Variants in ZNF213 observed in about 807,000 individuals in gnomAD.
ZNF213 encodes the protein putative transcription factor CR53.
In ZNF213, 32 loss-of-function variants were observed where a neutral mutation model predicts 46.0. The observed-to-expected ratio is 0.70, with a 90% CI of 0.52 to 0.93. ZNF213 has a LOEUF of 0.93. ZNF213 is among the 40% of genes least tolerant of loss of function. The pLI, the probability that ZNF213 is intolerant of heterozygous loss-of-function variation, is 0.00. For synonymous variants in ZNF213, 297 were observed against 271.0 expected (o/e 1.10, Z -0.94); for missense variants, 639 against 652.8 (o/e 0.98, Z 0.23).
intron 1 of ZNF213, among the ~76,000 whole-genome samples, chr16:3,136,754 A>C (rs540525948): frequency 3.9e-4 from 59 of 152,252 alleles, no homozygotes; most frequent in African/African-American, 1.3e-3. Flanking sequence ...ATTGATGTAT[A>C]ATGTGCAATA....
intron 5 of ZNF213, chr16:3,139,627 C>T (rs376998326): frequency 1.9e-5 from 2 of 105,548 alleles, no homozygotes; most frequent in African/African-American, 7.3e-5. Flanking sequence ...TGGGCTGCGA[C>T]CTCTGTCCAG....
At chr16:3,138,920 T>C in intron 4 of ZNF213, 55 bp from the exon 5 acceptor site, 1 of 1,613,798 alleles carries the variant, frequency 6.2e-7, no homozygotes, top group Non-Finnish European at 8.5e-7. Context: ...TGACCCATCC[T>C]GTCCCCGCCA....
chr16:3,140,434 G>A (rs1957590404), intron 5 of ZNF213: 4 of 388,150 alleles, frequency 1.0e-5, no homozygotes, highest in Non-Finnish European at 1.7e-5. Flanking sequence ...TGTTGGCCAG[G>A]CTGGTCTCGA....
chr16:3,140,814 G>A lies in ZNF213; in HGVS notation c.847G>A (p.Glu283Lys). 6.3e-7 allele frequency: 1 copy of A among 1,594,788 alleles called. No homozygotes were observed. Among genetic ancestry groups the A allele is most frequent in the Non-Finnish European group, 8.5e-7 (1 of 1,173,254 alleles). The change falls in exon 6 of 6, where the codon GAG becomes AAG. Residue 283 changes from glutamate to lysine, a missense_variant. Transcript: ENST00000396878. ...SPEEAEAWES[E>K]NRPRAALGPV... ...CGAGGAGGCTGAGGCCTGGGAGAGC[G>A]AGAACCGGCCGAGGGCGGCCCTGGG...
At chr16:3,139,226 G>A (rs1957576574) in intron 5 of ZNF213, 128 bp downstream of exon 5, 1 of 1,372,328 alleles carries the variant, frequency 7.3e-7, no homozygotes, top group Middle Eastern at 2.7e-4. Flanking sequence ...AGGAGCCTGA[G>A]TAACTCCTTT....
Position 3,140,566 on chromosome 16 carries a change from T to C in ZNF213, c.722-123T>C, listed in dbSNP as rs528800431. The C allele has an allele frequency of 4.9e-5, 66 of 1,340,334 alleles. 2 individuals are homozygous for C. The East Asian group carries it at 1.8e-3, about 36-fold the overall frequency. The allele number at this position is 1,340,334 out of a possible 1,614,324, so 83.0% of individuals were successfully genotyped here. A position where few individuals can be genotyped will look rare whatever the true frequency, so the allele number is the denominator to read the frequency against. ...GATGAGGAACCTGAGAATTCAGCTGTGTGAACCCAGGGCTTTCTGAACCTG... is the reference window on the plus strand; with the variant it reads ...GATGAGGAACCTGAGAATTCAGCTGCGTGAACCCAGGGCTTTCTGAACCTG... On this transcript the variant is annotated intron_variant, in intron 5 of 5. Coordinates refer to ENST00000396878, the MANE Select transcript of ZNF213 (RefSeq NM_004220.3).
chr16:3,141,096 G>T lies in ZNF213; in HGVS notation c.1129G>T (p.Glu377Ter), dbSNP rs1258365208. Residue 377 changes from glutamate to a stop codon, truncating the protein, a stop_gained, in exon 6 of 6, where the codon GAG becomes TAG. Coordinates refer to ENST00000396878, the MANE Select transcript of ZNF213 (RefSeq NM_004220.3). LOFTEE classifies it high-confidence loss of function. ...GGGCGAGAAGCCCTTCTCCTGTTCC[G>T]AGTGCGGCAAGAGCTTCAGCCGCAG... ...HTGEKPFSCS[E>*]CGKSFSRSAY... is the part of the protein sequence containing the mutation. The T allele has an allele frequency of 1.2e-6, 2 of 1,612,796 alleles. No individual in the cohort carries two copies. The highest frequency in any genetic ancestry group is 8.5e-7 in the Non-Finnish European group (1 of 1,179,606).
intron 5 of ZNF213, chr16:3,139,905 T>G (rs1957583878): frequency 6.6e-6 from 1 of 151,942 alleles, no homozygotes; most frequent in Non-Finnish European, 1.5e-5. Flanking sequence ...CATGCCCGGC[T>G]AATTTTTTTG....
chr16:3,138,274 G>T, intron 2 of ZNF213, 144 bp from the exon 3 acceptor site: 1 of 1,471,462 alleles, frequency 6.8e-7, no homozygotes, highest in East Asian at 2.3e-5. Context: ...ATTCTCCTCC[G>T]GACTTTTCCT....
intron 1 of ZNF213, among the ~76,000 whole-genome samples, chr16:3,136,674 G>A (rs1055253629): frequency 2.0e-5 from 3 of 150,644 alleles, no homozygotes; most frequent in Admixed American, 1.3e-4. Context: ...CTGAGATTGC[G>A]CCACTGCACT....
At position 3,137,155 on chromosome 16, in the gene ZNF213, T is replaced by C; in HGVS notation, c.-115-11T>C. On this transcript the variant is annotated splice_polypyrimidine_tract_variant and intron_variant, in intron 1 of 5. Transcript: ENST00000396878. ...TTCCTCCTCAGTCCTGCCATTTTGC[T>C]CTTTCCCCAGGAGTACACATCCAGA... 6 of 1,322,370 alleles carry C rather than the reference T, an allele frequency of 4.5e-6. No individual in the cohort carries two copies. Among genetic ancestry groups the C allele is most frequent in the Non-Finnish European group, 6.1e-6 (6 of 978,546 alleles). 81.9% of individuals were successfully genotyped at this position (1,322,370 alleles called of 1,614,324 possible). A position where few individuals can be genotyped will look rare whatever the true frequency, so the allele number is the denominator to read the frequency against.
chr16:3,140,825 G>T lies in ZNF213; in HGVS notation c.858G>T (p.Pro286=), dbSNP rs764726274. The T allele has an allele frequency of 6.3e-7, 1 of 1,592,494 alleles. No individual in the cohort carries two copies. Among genetic ancestry groups the T allele is most frequent in the South Asian group, 1.1e-5 (1 of 88,674 alleles). Reference sequence around the variant, plus strand: ...AGGCCTGGGAGAGCGAGAACCGGCCGAGGGCGGCCCTGGGCCCAGTGGTGG... The same window carrying T: ...AGGCCTGGGAGAGCGAGAACCGGCCTAGGGCGGCCCTGGGCCCAGTGGTGG... ...EAEAWESENR[P]RAALGPVVGA... Residue 286 remains proline, a synonymous_variant, in exon 6 of 6, where the codon CCG becomes CCT. Transcript: ENST00000396878.
rs749303187 is a variant in ZNF213, at chr16:3,137,494, C to T, written c.214C>T (p.Arg72Cys). 74 of 1,613,840 alleles carry T rather than the reference C, an allele frequency of 4.6e-5. 1 individual carries two copies. Among genetic ancestry groups the T allele is most frequent in the Admixed American group, 3.0e-4 (18 of 60,014 alleles). Reference sequence around the variant, plus strand: ...CAGCCAGCTCTGGGAGCTCTGCTGCCGCTGGCTGCGGCCCGAGCTGCGTAC... The same window carrying T: ...CAGCCAGCTCTGGGAGCTCTGCTGCTGCTGGCTGCGGCCCGAGCTGCGTAC... ...AFSQLWELCC[R>C]WLRPELRTKE... The change falls in exon 2 of 6, where the codon CGC (arginine) becomes TGC (cysteine). Residue 72 changes from arginine to cysteine, a missense_variant. Transcript: ENST00000396878.
rs1957611137 is a variant in ZNF213, at chr16:3,142,097, C to A, written c.*750C>A. The A allele has an allele frequency of 6.4e-6, 1 of 155,210 alleles. No homozygotes were observed. The highest frequency in any genetic ancestry group is 1.8e-4 in the South Asian group (1 of 5,626). The allele number at this position is 155,210 out of a possible 1,614,324, so 9.6% of individuals were successfully genotyped here. On this transcript the variant is annotated 3_prime_UTR_variant, in exon 6 of 6. Coordinates refer to ENST00000396878, the MANE Select transcript of ZNF213 (RefSeq NM_004220.3). ...GGCGCCTGGCTGCCATCTTTTCCTC[C>A]AGAGGTGGGGCTGCACCAGACTCAG...
rs372304460 is a variant in ZNF213 at position 3,138,754 on chromosome 16, C to G, written c.533C>G (p.Pro178Arg). 6.2e-7 allele frequency: 1 copy of G among 1,614,190 alleles called. No individual in the cohort carries two copies. Among genetic ancestry groups the G allele is most frequent in the South Asian group, 1.1e-5 (1 of 91,086 alleles). ...QEQHSHSAQP[P>R]ALLKEGRPGE... ...CATTCTTCTCCTTCAGCCCAGCCTC[C>G]TGCTCTTCTTAAAGAGGGTCGTCCC... The change falls in exon 4 of 6, where the codon CCT becomes CGT. Residue 178 changes from proline (P) to arginine (R), a missense_variant. Coordinates refer to ENST00000396878, the MANE Select transcript of ZNF213 (RefSeq NM_004220.3).
intron 4 of ZNF213, 49 bp downstream of exon 4, chr16:3,138,867 G>A: frequency 1.2e-6 from 2 of 1,613,830 alleles, no homozygotes; most frequent in Non-Finnish European, 1.7e-6. Context: ...GCCCTGTTGA[G>A]TTTGTAAAAT....
In ZNF213 at chr16:3,141,491, C is replaced by A; in HGVS notation, c.*144C>A. 1.0e-6 allele frequency: 1 copy of A among 974,956 alleles called. No individual in the cohort carries two copies. The highest frequency in any genetic ancestry group is 1.5e-6 in the Non-Finnish European group (1 of 684,678). 60.4% of individuals were successfully genotyped at this position (974,956 alleles called of 1,614,324 possible). On this transcript the variant is annotated 3_prime_UTR_variant, in exon 6 of 6. Coordinates refer to ENST00000396878, the MANE Select transcript of ZNF213 (RefSeq NM_004220.3). ...GTACCTCACACTCGGAGCTCGCCTGCCCTGCTTGGCTCTGAGGACCTGCCC... is the reference window on the plus strand; with the variant it reads ...GTACCTCACACTCGGAGCTCGCCTGACCTGCTTGGCTCTGAGGACCTGCCC...
chr16:3,139,155 C>T, intron 5 of ZNF213, 57 bp downstream of exon 5: 1 of 1,597,404 alleles, frequency 6.3e-7, no homozygotes, highest in South Asian at 1.1e-5. Context: ...GCTGGAACTT[C>T]AGTCTTGTTT....
intron 5 of ZNF213, chr16:3,139,396 T>A: frequency 3.0e-6 from 1 of 328,912 alleles, no homozygotes; most frequent in Non-Finnish European, 5.7e-6. Context: ...GACCTGAGAC[T>A]CAGGTCAGTG....
Sources: allele counts gnomAD v4.1 joint callset (sites outside exome capture counted in the v4.1 genomes callset), GRCh38; gene constraint gnomAD v4.1.1; transcripts MANE v1.5; gene names NCBI Gene and HGNC (gene_info 2026-07-23, HGNC 2026-07-21).